The following PSEN1 variants were observed in gnomAD, a reference collection of about 807,000 sequenced individuals.
PSEN1 encodes presenilin-1.
Under a neutral mutation model 53.5 loss-of-function variants are expected in PSEN1, and 15 were observed. That is an observed-to-expected ratio of 0.28 (90% confidence interval 0.19 to 0.43). The LOEUF (loss-of-function observed/expected upper bound fraction) is 0.43, where lower values mean the gene tolerates loss of function less well. Ranked by LOEUF, PSEN1 falls within the 20% of genes least tolerant of loss-of-function variation. The probability of loss-of-function intolerance (pLI) is 1.00; values close to 1 mark genes in which losing one functional copy is unlikely to be tolerated. For missense variants in PSEN1, 387 were observed against 571.2 expected (o/e 0.68, Z 3.29); for synonymous variants, 208 against 209.8 (o/e 0.99, Z 0.08).
At chr14:73,202,427 T>C (rs1566648101) in intron 8 of PSEN1, among the ~76,000 whole-genome samples, 1 of 10,742 alleles carries the variant, frequency 9.3e-5, no homozygotes, top group South Asian at 3.2e-3. Context: ...ACTATATATA[T>C]ATATATATAT....
chr14:73,196,705 G>A (rs548061503), intron 7 of PSEN1, among the ~76,000 whole-genome samples: 35 of 151,348 alleles, frequency 2.3e-4, no homozygotes, highest in Non-Finnish European at 4.3e-4. Flanking sequence ...AAACTCCTGA[G>A]CACAAGTGAT....
chr14:73,171,818 G>T (rs536732471), intron 4 of PSEN1, among the ~76,000 whole-genome samples: 2 of 152,146 alleles, frequency 1.3e-5, no homozygotes, highest in South Asian at 2.1e-4. Context: ...ACATACTGGC[G>T]TATTAATTCT....
At chr14:73,164,279 G>A (rs1897641746) in intron 3 of PSEN1, among the ~76,000 whole-genome samples, 1 of 152,210 alleles carries the variant, frequency 6.6e-6, no homozygotes, top group Non-Finnish European at 1.5e-5. Context: ...GTCAGAGATG[G>A]AGATCAACAT....
chr14:73,203,218 A>G (rs1431774051), intron 8 of PSEN1, among the ~76,000 whole-genome samples: 1 of 152,096 alleles, frequency 6.6e-6, no homozygotes, highest in Non-Finnish European at 1.5e-5. Flanking sequence ...AGCTGGGATT[A>G]CAGACGCCTG....
At chr14:73,219,078 C>G (rs1900043386) in intron 11 of PSEN1, 56 bp from the exon 12 acceptor site, 6 of 1,582,076 alleles carry the variant, frequency 3.8e-6, no homozygotes, top group Non-Finnish European at 5.2e-6. Flanking sequence ...TGAGTTTTGC[C>G]TGAAAATGCT....
chr14:73,212,045 CT>C, intron 10 of PSEN1, 103 bp downstream of exon 10: 1 of 595,034 alleles, frequency 1.7e-6, no homozygotes, highest in South Asian at 1.6e-5. Flanking sequence ...CAGTCTAATT[CT>C]ATATCACATG....
intron 3 of PSEN1, among the ~76,000 whole-genome samples, chr14:73,167,430 C>A (rs554919330): frequency 6.6e-6 from 1 of 152,290 alleles, no homozygotes; most frequent in East Asian, 1.9e-4. Flanking sequence ...TTCCAAAATG[C>A]AAAATCTGAA....
intron 3 of PSEN1, among the ~76,000 whole-genome samples, chr14:73,155,787 C>A (rs1897337092): frequency 6.6e-6 from 1 of 152,098 alleles, no homozygotes; most frequent in South Asian, 2.1e-4. Flanking sequence ...CTGAAGCATA[C>A]AGATTTTTTA....
chr14:73,204,630 A>T (rs535370013), intron 8 of PSEN1, among the ~76,000 whole-genome samples: 4 of 152,114 alleles, frequency 2.6e-5, no homozygotes, highest in Admixed American at 2.6e-4. Context: ...ATTGATTTTC[A>T]TGTTACTATT....
At chr14:73,180,513 A>C (rs566008136) in intron 5 of PSEN1, among the ~76,000 whole-genome samples, 1 of 152,236 alleles carries the variant, frequency 6.6e-6, no homozygotes, top group South Asian at 2.1e-4. Flanking sequence ...AGGATTTTTC[A>C]TATCAGTGGT....
chr14:73,156,663 T>G (rs555136184), intron 3 of PSEN1, among the ~76,000 whole-genome samples: 3 of 151,752 alleles, frequency 2.0e-5, no homozygotes, highest in Non-Finnish European at 4.4e-5. Context: ...ATAAAAAGTT[T>G]TGTTTGTTTT....
intron 9 of PSEN1, 46 bp downstream of exon 9, chr14:73,206,518 G>A: frequency 7.6e-7 from 1 of 1,312,972 alleles, no homozygotes; most frequent in Non-Finnish European, 1.1e-6. Flanking sequence ...CAGGGTCACT[G>A]TTATAAGCTA....
At chr14:73,161,992 TAAA>T (rs1179787685) in intron 3 of PSEN1, among the ~76,000 whole-genome samples, 2 of 65,362 alleles carry the variant, frequency 3.1e-5, no homozygotes, top group Admixed American at 1.8e-4. Flanking sequence ...CCGTTTCCAC[TAAA>T]AAAAAAAAAA....
intron 9 of PSEN1, 80 bp from the exon 10 acceptor site, chr14:73,211,689 G>T (rs1336261353): frequency 1.3e-6 from 2 of 1,484,286 alleles, no homozygotes; most frequent in African/African-American, 1.4e-5. Context: ...ATGACAGCTA[G>T]TTACTGTTTC....
chr14:73,157,284 C>T (rs937943512), intron 3 of PSEN1, among the ~76,000 whole-genome samples: 30 of 151,874 alleles, frequency 2.0e-4, no homozygotes, highest in African/African-American at 7.3e-4. Flanking sequence ...CACCACCACA[C>T]CCAGCTAATT....
intron 5 of PSEN1, among the ~76,000 whole-genome samples, chr14:73,184,016 C>A (rs1898332634): frequency 7.6e-6 from 1 of 131,336 alleles, no homozygotes; most frequent in Non-Finnish European, 1.6e-5. Context: ...CAGAGGCGCC[C>A]CTCACCTCCC....
intron 3 of PSEN1, among the ~76,000 whole-genome samples, chr14:73,151,878 T>TATATA (rs1897233725): frequency 5.3e-4 from 30 of 56,902 alleles, no homozygotes; most frequent in Non-Finnish European, 2.3e-4. Context: ...CTAAAATATT[T>TATATA]TATATATATA....
rs111704578 is a variant in PSEN1, at chr14:73,141,619, T to A, written c.-136+5036T>A. 3.6e-3 allele frequency among the ~76,000 whole-genome samples: 550 copies of A among 151,810 alleles called. 3 individuals are homozygous for A. The highest frequency in any genetic ancestry group is 0.012 in the African/African-American group (509 of 41,308). ...ACATGCTAAATGAAACCCCCATCTC[T>A]ACTAAAAATACAAAAATTAGCTGGG... On this transcript the variant is annotated intron_variant, in intron 1 of 11. Transcript: ENST00000324501.
intron 3 of PSEN1, among the ~76,000 whole-genome samples, chr14:73,170,011 T>C (rs1897839357): frequency 6.6e-6 from 1 of 152,232 alleles, no homozygotes; most frequent in Non-Finnish European, 1.5e-5. Flanking sequence ...TTCCCGGAAC[T>C]GAGGATCCCT....
Sources: gnomAD v4.1 joint callset for allele counts (sites outside exome capture counted in the v4.1 genomes callset) on GRCh38, gnomAD v4.1.1 for gene constraint, MANE v1.5 for transcripts, NCBI Gene and HGNC (gene_info 2026-07-23, HGNC 2026-07-21) for gene names.